KHDRBS2: variants seen among roughly 807,000 people sequenced by gnomAD.
The protein encoded by KHDRBS2 is KH domain-containing, RNA-binding, signal transduction-associated protein 2.
A neutral mutation model predicts 44.3 loss-of-function variants in KHDRBS2; 26 were observed. The observed-to-expected ratio is 0.59, with a 90% CI of 0.43 to 0.81. KHDRBS2 has a LOEUF of 0.81. Ranked by LOEUF, KHDRBS2 falls within the 40% of genes least tolerant of loss-of-function variation. KHDRBS2 has a pLI of 0.00. For missense variants in KHDRBS2, 476 were observed against 433.1 expected, an observed-to-expected ratio of 1.10 and a Z score of -0.88; for synonymous variants, 194 against 151.1, an observed-to-expected ratio of 1.28 and a Z score of -2.08.
intron 6 of KHDRBS2, among the ~76,000 whole-genome samples, chr6:61,863,407 CT>C (rs2127296782): frequency 6.6e-6 from 1 of 152,082 alleles, no homozygotes; most frequent in Non-Finnish European, 1.5e-5. Context: ...ATATTTCTAG[CT>C]TTTTGATGTG....
intron 2 of KHDRBS2, among the ~76,000 whole-genome samples, chr6:62,163,320 G>T (rs183977998): frequency 6.6e-6 from 1 of 152,086 alleles, no homozygotes; most frequent in African/African-American, 2.4e-5. Context: ...ACAGGAATAA[G>T]GATCATATTT....
intron 2 of KHDRBS2, among the ~76,000 whole-genome samples, chr6:62,122,918 T>C (rs1275601084): frequency 8.0e-6 from 1 of 125,622 alleles, no homozygotes; most frequent in Non-Finnish European, 1.7e-5. Context: ...TAATAAATTA[T>C]ACTTTAAGTT....
chr6:61,794,333 C>T (rs1785023704), intron 6 of KHDRBS2, among the ~76,000 whole-genome samples: 1 of 152,136 alleles, frequency 6.6e-6, no homozygotes, highest in African/African-American at 2.4e-5. Context: ...GTGGCAGAAT[C>T]CAGCAAATGC....
chr6:61,609,600 A>C, the KHDRBS2 span, among the ~76,000 whole-genome samples: 1 of 152,264 alleles, frequency 6.6e-6, no homozygotes, highest in African/African-American at 2.4e-5. Context: ...TTTGTATGCT[A>C]TTCTACCATT....
the KHDRBS2 span, among the ~76,000 whole-genome samples, chr6:61,597,556 C>A: frequency 6.6e-6 from 1 of 150,676 alleles, no homozygotes. Context: ...ATCCATTAAC[C>A]ATTGAATGGA....
At chr6:61,703,282 T>A (rs1288051094) in intron 7 of KHDRBS2, among the ~76,000 whole-genome samples, 1 of 151,836 alleles carries the variant, frequency 6.6e-6, no homozygotes, top group Non-Finnish European at 1.5e-5. Context: ...GTCACATATT[T>A]TAAAAATTCA....
At chr6:61,554,660 C>T in the KHDRBS2 span, among the ~76,000 whole-genome samples, 1 of 152,136 alleles carries the variant, frequency 6.6e-6, no homozygotes, top group Admixed American at 6.5e-5. Context: ...CTTTCCTTTC[C>T]ATGTTTAGCC....
At chr6:62,223,380 T>A (rs1173516102) in intron 1 of KHDRBS2, among the ~76,000 whole-genome samples, 1 of 152,150 alleles carries the variant, frequency 6.6e-6, no homozygotes, top group Non-Finnish European at 1.5e-5. Flanking sequence ...GGACCCTGGG[T>A]CAGGCCAACG....
At position 61,708,046 on chromosome 6, in the gene KHDRBS2, T is replaced by C. The variant is rs558232947; in HGVS notation, c.894-10793A>G. Among the ~76,000 whole-genome samples, 6 of 151,774 alleles carry C rather than the reference T, an allele frequency of 4.0e-5. No individual in the cohort carries two copies. In the South Asian group the frequency reaches 1.2e-3, roughly 32 times the overall value. On this transcript the variant is annotated intron_variant, in intron 7 of 8. Coordinates refer to ENST00000281156, the MANE Select transcript of KHDRBS2 (RefSeq NM_152688.4). Reference sequence around the variant, plus strand: ...TGCACATATTTTAGACAGTTAATTTTTCATTCAAGATTTTTTCCATTTAGA... The same window carrying C: ...TGCACATATTTTAGACAGTTAATTTCTCATTCAAGATTTTTTCCATTTAGA...
rs192842045 is a variant in KHDRBS2 at position 61,924,778 on chromosome 6, T to G, written c.484-23407A>C. The stretch of plus-strand genomic sequence containing the variant: ...TTTTAAACTTCATTCAATTTAGAAT[T>G]TAATCATTTATTAATTATTTCCAAA... On this transcript the variant is annotated intron_variant, in intron 4 of 8. Transcript: ENST00000281156. Among the ~76,000 whole-genome samples, 231 of 151,864 alleles carry G rather than the reference T, an allele frequency of 1.5e-3. 2 individuals are homozygous for G. In the Middle Eastern group the frequency reaches 0.041, roughly 27 times the overall value.
At chr6:62,137,244 G>A (rs138546501) in intron 2 of KHDRBS2, among the ~76,000 whole-genome samples, 1,566 of 151,982 alleles carry the variant, frequency 0.01, 32 homozygotes, top group African/African-American at 0.035. Flanking sequence ...CTCAGGATCC[G>A]CCCGCCTTGG....
chr6:61,917,232 T>C (rs1262771076), intron 4 of KHDRBS2, among the ~76,000 whole-genome samples: 2 of 151,882 alleles, frequency 1.3e-5, no homozygotes, highest in East Asian at 3.9e-4. Context: ...GTAAACTGTG[T>C]GCATCTAGAA....
Position 61,978,077 on chromosome 6 carries a change from A to C in KHDRBS2, c.472T>G (p.Phe158Val). The change falls in exon 4 of 9, where the codon TTC becomes GTC. Residue 158 changes from phenylalanine to valine, a missense_variant. Phe to Val is a conservative substitution (Grantham distance 50). Coordinates refer to ENST00000281156, the MANE Select transcript of KHDRBS2 (RefSeq NM_152688.4). Reference protein sequence around the residue: ...MSHALEEIKKFLVPDYNDEIR... With the variant: ...MSHALEEIKKVLVPDYNDEIR... Reference sequence around the variant, plus strand: ...TGAAAGACACTTACAGGAACCAGGAATTTTTTAATCTCTTCCAATGCATGA... The same window carrying C: ...TGAAAGACACTTACAGGAACCAGGACTTTTTTAATCTCTTCCAATGCATGA... The C allele has an allele frequency of 6.3e-7, 1 of 1,590,090 alleles. No homozygotes were observed. The highest frequency in any genetic ancestry group is 8.5e-7 in the Non-Finnish European group (1 of 1,173,130).
At chr6:62,172,834 A>C (rs1168631891) in intron 2 of KHDRBS2, among the ~76,000 whole-genome samples, 1 of 152,096 alleles carries the variant, frequency 6.6e-6, no homozygotes, top group East Asian at 1.9e-4. Flanking sequence ...CTCCTGAATG[A>C]CTTTTGAGTG....
At chr6:62,073,534 T>C (rs1795699306) in intron 2 of KHDRBS2, among the ~76,000 whole-genome samples, 1 of 147,900 alleles carries the variant, frequency 6.8e-6, no homozygotes, top group Non-Finnish European at 1.5e-5. Context: ...TTTTTTCTTT[T>C]TTTTTTTTTT....
intron 2 of KHDRBS2, among the ~76,000 whole-genome samples, chr6:62,119,534 G>A (rs1489846758): frequency 2.6e-5 from 4 of 152,152 alleles, no homozygotes; most frequent in African/African-American, 9.7e-5. Flanking sequence ...AACAAAAGGT[G>A]TATGCTCAGC....
chr6:61,914,995 C>A (rs1212429470), intron 4 of KHDRBS2, among the ~76,000 whole-genome samples: 1 of 152,020 alleles, frequency 6.6e-6, no homozygotes, highest in Non-Finnish European at 1.5e-5. Context: ...ATAGTTGTGA[C>A]AATAGTCACA....
intron 7 of KHDRBS2, among the ~76,000 whole-genome samples, chr6:61,719,467 A>G (rs979817426): frequency 2.0e-5 from 3 of 151,094 alleles, no homozygotes; most frequent in African/African-American, 7.3e-5. Flanking sequence ...GAGTATGTAG[A>G]AAAAAAAAGG....
chr6:61,843,487 C>A (rs1793909734), intron 6 of KHDRBS2, among the ~76,000 whole-genome samples: 1 of 151,680 alleles, frequency 6.6e-6, no homozygotes, highest in Non-Finnish European at 1.5e-5. Flanking sequence ...CTCTCAGCCT[C>A]CCGAGTAGCT....
Sources: allele counts gnomAD v4.1 joint callset (sites outside exome capture counted in the v4.1 genomes callset), GRCh38; gene constraint gnomAD v4.1.1; transcripts MANE v1.5; gene names NCBI Gene and HGNC (gene_info 2026-07-23, HGNC 2026-07-21).